TP73: variants seen among roughly 807,000 people sequenced by gnomAD.
The protein encoded by TP73 is p53-like transcription factor.
TP73 carries 25 observed loss-of-function variants against 62.5 expected under a neutral mutation model. That is an observed-to-expected ratio of 0.40 (90% confidence interval 0.29 to 0.56). TP73 has a LOEUF of 0.56. TP73 is among the 20% of genes least tolerant of loss of function. The probability of loss-of-function intolerance (pLI) is 0.46; values close to 1 mark genes in which losing one functional copy is unlikely to be tolerated. For missense variants in TP73, 754 were observed against 913.3 expected (o/e 0.83, Z 2.25); for synonymous variants, 423 against 377.5 (o/e 1.12, Z -1.40).
rs571212510 is a variant in TP73 at position 3,663,632 on chromosome 1, C to T, written c.-34+10991C>T. On this transcript the variant is annotated intron_variant, in intron 1 of 13. Transcript: ENST00000378295. This position sits in a 1 kb window ranked among gnomAD's most constrained non-coding sequence, Gnocchi z 4.7. ...TCGGGAGGCTGAGGCAGGAGAATGGCGTGAACCAGGAAGGTGGAGCTTGCA... is the reference window on the plus strand; with the variant it reads ...TCGGGAGGCTGAGGCAGGAGAATGGTGTGAACCAGGAAGGTGGAGCTTGCA... 9.0e-4 allele frequency among the ~76,000 whole-genome samples: 135 copies of T among 150,766 alleles called. No individual in the cohort carries two copies. Among genetic ancestry groups the T allele is most frequent in the African/African-American group, 3.0e-3 (125 of 41,040 alleles).
chr1:3,714,004 C>A (rs1218167963), intron 4 of TP73, among the ~76,000 whole-genome samples: 3 of 152,134 alleles, frequency 2.0e-5, no homozygotes, highest in African/African-American at 7.2e-5. Context: ...CCAAGGGTTG[C>A]AAACCCACCC....
At chr1:3,704,595 G>C (rs567876119) in intron 3 of TP73, among the ~76,000 whole-genome samples, 3 of 152,328 alleles carry the variant, frequency 2.0e-5, no homozygotes, top group South Asian at 4.1e-4. Context: ...TGACCCCTCG[G>C]AACAGTGACC....
At chr1:3,713,406 G>C (rs999284947) in intron 4 of TP73, among the ~76,000 whole-genome samples, 1 of 152,188 alleles carries the variant, frequency 6.6e-6, no homozygotes, top group Admixed American at 6.5e-5. Context: ...ACAGGGGAGG[G>C]CCGTCCCAGG....
chr1:3,658,144 A>G (rs1204122780), intron 1 of TP73, among the ~76,000 whole-genome samples: 2 of 152,340 alleles, frequency 1.3e-5, no homozygotes, highest in East Asian at 3.9e-4. Flanking sequence ...AGGGCACGGA[A>G]GGCAGGTCTC....
chr1:3,716,995 A>T (rs1446334599), intron 4 of TP73, among the ~76,000 whole-genome samples: 1 of 150,204 alleles, frequency 6.7e-6, no homozygotes, highest in Non-Finnish European at 1.5e-5. Context: ...AGTGAGCAAT[A>T]AAAAAAATCG....
At chr1:3,661,624 C>T (rs1192953575) in intron 1 of TP73, among the ~76,000 whole-genome samples, 1 of 151,322 alleles carries the variant, frequency 6.6e-6, no homozygotes. Flanking sequence ...TAGGAGGATC[C>T]CTTGAACCCA....
chr1:3,727,729 T>C lies in TP73; in HGVS notation c.944T>C (p.Leu315Pro). 2 of 1,560,660 alleles carry C rather than the reference T, an allele frequency of 1.3e-6. No homozygotes were observed. The highest frequency in any genetic ancestry group is 1.2e-5 in the South Asian group (1 of 85,090). Residue 315 changes from leucine to proline, a missense_variant, in exon 8 of 14, where the codon CTG becomes CCG. By Grantham distance (98) the Leu-to-Pro change is moderately conservative (BLOSUM62 -3). Coordinates refer to ENST00000378295, the MANE Select transcript of TP73 (RefSeq NM_005427.4). ...DEDHYREQQA[L>P]NESSAKNGAA... is the part of the protein sequence containing the mutation. ...GACCACTACCGGGAGCAGCAGGCCC[T>C]GAACGAGAGCTCCGCCAAGAACGGG...
At chr1:3,667,447 C>T (rs1053869250) in intron 1 of TP73, among the ~76,000 whole-genome samples, 6 of 152,206 alleles carry the variant, frequency 3.9e-5, no homozygotes, top group African/African-American at 9.6e-5. Context: ...CCAGCTCTTG[C>T]CTGATAGGCA....
At chr1:3,727,360 G>A in intron 7 of TP73, 136 bp downstream of exon 7, 2 of 1,018,880 alleles carry the variant, frequency 2.0e-6, no homozygotes, top group South Asian at 1.6e-5. Flanking sequence ...GCTGGAGGAA[G>A]GAACCGCCCC....
chr1:3,724,394 C>A (rs879940641), intron 6 of TP73, among the ~76,000 whole-genome samples: 3 of 151,990 alleles, frequency 2.0e-5, no homozygotes, highest in Non-Finnish European at 4.4e-5. Context: ...CCCAGGACAC[C>A]CCAGACTCCT....
chr1:3,725,285 G>C (rs1641411963), intron 6 of TP73, among the ~76,000 whole-genome samples: 1 of 151,752 alleles, frequency 6.6e-6, no homozygotes, highest in East Asian at 2.0e-4. Flanking sequence ...TGAGAGCAGA[G>C]ACCAGGTCTG....
chr1:3,723,681 G>T (rs1451765571), intron 6 of TP73, among the ~76,000 whole-genome samples: 1 of 152,204 alleles, frequency 6.6e-6, no homozygotes, highest in South Asian at 2.1e-4. Flanking sequence ...CTGCTGCTCT[G>T]TCCCCACATC....
intron 3 of TP73, among the ~76,000 whole-genome samples, chr1:3,695,001 T>C (rs1638500726): frequency 6.6e-6 from 1 of 152,202 alleles, no homozygotes; most frequent in Non-Finnish European, 1.5e-5. Flanking sequence ...ATCCCAGCCA[T>C]GCTCTTCACT....
At chr1:3,669,430 C>T (rs1481036238) in intron 1 of TP73, among the ~76,000 whole-genome samples, 4 of 152,232 alleles carry the variant, frequency 2.6e-5, no homozygotes, top group Admixed American at 2.0e-4. Context: ...ACCCTAGGAT[C>T]GGGGGCAGAA....
chr1:3,659,880 A>G (rs955052368), intron 1 of TP73, among the ~76,000 whole-genome samples: 4 of 152,040 alleles, frequency 2.6e-5, no homozygotes, highest in Admixed American at 6.6e-5. Flanking sequence ...GGGTTTTGCC[A>G]TGTTGGCCAG....
chr1:3,681,497 G>C (rs763014476), intron 1 of TP73, among the ~76,000 whole-genome samples: 3 of 152,146 alleles, frequency 2.0e-5, no homozygotes, highest in Admixed American at 2.0e-4. Flanking sequence ...ACCAGCGGAC[G>C]GGCGCTGGGG....
At chr1:3,659,864 G>A (rs1325098972) in intron 1 of TP73, among the ~76,000 whole-genome samples, 1 of 151,940 alleles carries the variant, frequency 6.6e-6, no homozygotes. Flanking sequence ...TTTTTTAGTA[G>A]AGACAGGGTT....
intron 3 of TP73, among the ~76,000 whole-genome samples, chr1:3,705,980 C>T (rs1323107108): frequency 6.6e-6 from 1 of 152,158 alleles, no homozygotes; most frequent in Admixed American, 6.5e-5. Flanking sequence ...CCGGCGAGGC[C>T]CCTGCACCCT....
intron 3 of TP73, among the ~76,000 whole-genome samples, chr1:3,686,635 G>C (rs1001604665): frequency 1.3e-5 from 2 of 152,172 alleles, no homozygotes; most frequent in Admixed American, 6.5e-5. Flanking sequence ...GGAGTCCCAG[G>C]CCACAGACTT....
Sources: allele counts gnomAD v4.1 joint callset (sites outside exome capture counted in the v4.1 genomes callset), GRCh38; gene constraint gnomAD v4.1.1; non-coding constraint Gnocchi (gnomAD v3.1); transcripts MANE v1.5; gene names NCBI Gene and HGNC (gene_info 2026-07-23, HGNC 2026-07-21).